ZNF469: variants seen among roughly 807,000 people sequenced by gnomAD.
The protein encoded by ZNF469 is zinc finger protein 469.
In ZNF469, 1 loss-of-function variant was observed where a neutral mutation model predicts 1.0. The ratio of observed to expected loss-of-function variants is 1.00; its 90% confidence interval spans 0.35 to 4.73. ZNF469 has a LOEUF of 4.73. Ranked by LOEUF, ZNF469 falls within the 30% of genes most tolerant of loss-of-function variation. The pLI, the probability that ZNF469 is intolerant of heterozygous loss-of-function variation, is 0.16. For missense variants in ZNF469, 6,100 were observed against 5,356.3 expected, an observed-to-expected ratio of 1.14 and a Z score of -4.33; for synonymous variants, 2,703 against 2,363.4, an observed-to-expected ratio of 1.14 and a Z score of -4.17.
chr16:88,142,131 A>G, the ZNF469 span, among the ~76,000 whole-genome samples: 5 of 152,364 alleles, frequency 3.3e-5, no homozygotes, highest in East Asian at 1.9e-4. Flanking sequence ...GCGATGTCCA[A>G]GGGTGCGTCC....
chr16:88,247,023 G>GTTAA, the ZNF469 span, among the ~76,000 whole-genome samples: 831 of 129,986 alleles, frequency 6.4e-3, 2 homozygotes, highest in Non-Finnish European at 9.9e-3. Flanking sequence ...CAATGAGTGA[G>GTTAA]TGAATGAGTG....
the ZNF469 span, among the ~76,000 whole-genome samples, chr16:88,122,262 C>G: frequency 4.2e-4 from 64 of 150,784 alleles, 2 homozygotes; most frequent in African/African-American, 1.5e-3. Flanking sequence ...GGCAGCCACT[C>G]TGATCACACC....
At chr16:88,246,577 A>G in the ZNF469 span, among the ~76,000 whole-genome samples, 1 of 152,368 alleles carries the variant, frequency 6.6e-6, no homozygotes, top group African/African-American at 2.4e-5. Flanking sequence ...AACACAGATC[A>G]CTGGCACCAA....
chr16:88,247,321 G>T, the ZNF469 span, among the ~76,000 whole-genome samples: 3 of 144,804 alleles, frequency 2.1e-5, no homozygotes, highest in Non-Finnish European at 4.5e-5. Context: ...GAATGAGTGA[G>T]TGAATGGTGA....
At chr16:88,116,215 A>G in the ZNF469 span, among the ~76,000 whole-genome samples, 1,620 of 152,338 alleles carry the variant, frequency 0.011, 31 homozygotes, top group African/African-American at 0.037. Context: ...CAATCAGGGC[A>G]TGGCAGGTGC....
At chr16:88,154,025 C>T in the ZNF469 span, among the ~76,000 whole-genome samples, 1 of 152,236 alleles carries the variant, frequency 6.6e-6, no homozygotes, top group African/African-American at 2.4e-5. Flanking sequence ...TTTGGGGACA[C>T]AGCTCAATCC....
chr16:88,282,012 A>T, the ZNF469 span, among the ~76,000 whole-genome samples: 2 of 152,248 alleles, frequency 1.3e-5, no homozygotes, highest in African/African-American at 4.8e-5. Context: ...GTTAGTACTA[A>T]TGAGCCAACA....
chr16:88,311,027 C>T, the ZNF469 span, among the ~76,000 whole-genome samples: 2 of 152,204 alleles, frequency 1.3e-5, no homozygotes, highest in East Asian at 1.9e-4. Context: ...AGGATTTGCT[C>T]GTCACGCCTC....
chr16:88,270,155 T>A, the ZNF469 span, among the ~76,000 whole-genome samples: 1 of 152,172 alleles, frequency 6.6e-6, no homozygotes, highest in Non-Finnish European at 1.5e-5. Flanking sequence ...AATTCTGGCA[T>A]GCATCCTCCT....
At chr16:88,140,339 G>A in the ZNF469 span, among the ~76,000 whole-genome samples, 13 of 152,074 alleles carry the variant, frequency 8.5e-5, no homozygotes, top group East Asian at 7.7e-4. Context: ...AGGGTAGCAC[G>A]GAGGAAAGGA....
In ZNF469 at chr16:88,432,379, C is replaced by T. The variant is rs575820215; in HGVS notation, c.4909C>T (p.Arg1637Trp). 525 of 1,549,124 alleles carry T rather than the reference C, an allele frequency of 3.4e-4. No homozygotes were observed. The highest frequency in any genetic ancestry group is 3.8e-4 in the Non-Finnish European group (432 of 1,146,630). The change falls in exon 3 of 3, where the codon CGG becomes TGG. Residue 1637 changes from arginine (R) to tryptophan (W), a missense_variant. By Grantham distance (101) the Arg-to-Trp change is moderately radical. Coordinates refer to ENST00000565624, the MANE Select transcript of ZNF469 (RefSeq NM_001367624.2). ...GCGCGTTGGAGAATCCACTGCACAT[C>T]GGGAGGGTGCGGAATCGGCTGTGGC... is the stretch of plus-strand genomic sequence containing the variant. ...LTRVGESTAH[R>W]EGAESAVATV...
At chr16:88,381,185 CTCACACACATGCAT>C (rs1183634533), upstream of ZNF469, among the ~76,000 whole-genome samples, 3 of 138,740 alleles carry the variant, frequency 2.2e-5, no homozygotes, top group African/African-American at 9.1e-5. Flanking sequence ...CAGACATGCA[CTCACACACATGCAT>C]TCACAGACAC....
intron 1 of ZNF469, among the ~76,000 whole-genome samples, chr16:88,420,368 G>C (rs558225008): frequency 3.0e-4 from 45 of 152,210 alleles, no homozygotes; most frequent in African/African-American, 1.0e-3. Context: ...GGTTGCTTAG[G>C]ATGCCTGGCT....
At position 88,430,874 on chromosome 16, in the gene ZNF469, C is replaced by T. The variant is rs1219486519; in HGVS notation, c.3404C>T (p.Pro1135Leu). 3 of 1,537,288 alleles carry T rather than the reference C, an allele frequency of 2.0e-6. No individual in the cohort carries two copies. In the African/African-American group the frequency reaches 4.1e-5, roughly 21 times the overall value. Residue 1135 changes from proline to leucine, a missense_variant, in exon 3 of 3, where the codon CCA becomes CTA. Coordinates refer to ENST00000565624, the MANE Select transcript of ZNF469 (RefSeq NM_001367624.2). ...ELTQGPREDE[P>L]QKPRKAARQE... ...ACCCAGGGTCCCAGAGAGGATGAGC[C>T]ACAGAAACCCCGGAAGGCGGCGAGG...
intron 1 of ZNF469, among the ~76,000 whole-genome samples, chr16:88,394,072 C>G: frequency 7.6e-6 from 1 of 132,022 alleles, no homozygotes; most frequent in East Asian, 2.1e-4. Context: ...CCTGCGCTGC[C>G]TGAGAGGAGC....
rs1192814702 is a variant in ZNF469, at chr16:88,438,999, GCCC to G, written c.11534_11536del (p.Pro3845del). On this transcript the variant is annotated inframe_deletion, in exon 3 of 3. Transcript: ENST00000565624. Reference sequence around the variant, plus strand: ...GGAGAGCCCCCTCAGCCCCTGACAAGCCCCCCCGGACCCCTCGGAAGCAGGCAA... The same window carrying G: ...GGAGAGCCCCCTCAGCCCCTGACAAGCCCCGGACCCCTCGGAAGCAGGCAA... The G allele has an allele frequency of 6.5e-7, 1 of 1,550,090 alleles. No individual in the cohort carries two copies. The highest frequency in any genetic ancestry group is 8.7e-7 in the Non-Finnish European group (1 of 1,146,890).
chr16:88,282,199 G>T, the ZNF469 span, among the ~76,000 whole-genome samples: 2 of 152,174 alleles, frequency 1.3e-5, no homozygotes, highest in Non-Finnish European at 2.9e-5. Context: ...CTTCAGCCAG[G>T]CTCAAGGCAT....
At chr16:88,265,002 G>C in the ZNF469 span, among the ~76,000 whole-genome samples, 2 of 152,110 alleles carry the variant, frequency 1.3e-5, no homozygotes, top group East Asian at 1.9e-4. Flanking sequence ...CATTTTCTTC[G>C]AGGATTTCCT....
At chr16:88,253,461 C>G in the ZNF469 span, among the ~76,000 whole-genome samples, 1 of 151,168 alleles carries the variant, frequency 6.6e-6, no homozygotes, top group Non-Finnish European at 1.5e-5. Flanking sequence ...TGTGGACCCC[C>G]TTTTACTGAG....
Sources: gnomAD v4.1 joint callset for allele counts (sites outside exome capture counted in the v4.1 genomes callset) on GRCh38, gnomAD v4.1.1 for gene constraint, MANE v1.5 for transcripts, NCBI Gene and HGNC (gene_info 2026-07-23, HGNC 2026-07-21) for gene names.